The following GFRAL variants were observed in gnomAD, a reference collection of about 807,000 sequenced individuals.
The protein encoded by GFRAL is GDNF family receptor alpha-like.
A neutral mutation model predicts 45.4 loss-of-function variants in GFRAL; 36 were observed. That is an observed-to-expected ratio of 0.79 (90% CI 0.61 to 1.05). GFRAL has a LOEUF of 1.05. Among genes scored for constraint, GFRAL ranks in the 50% least tolerant of loss-of-function variants. The pLI, the probability that GFRAL is intolerant of heterozygous loss-of-function variation, is 0.00. For synonymous variants in GFRAL, 166 were observed against 154.1 expected (o/e 1.08, Z -0.57); for missense variants, 507 against 467.5 (o/e 1.08, Z -0.78).
intron 3 of GFRAL, among the ~76,000 whole-genome samples, chr6:55,346,214 T>C (rs143134812): frequency 6.6e-6 from 1 of 152,128 alleles, no homozygotes; most frequent in Non-Finnish European, 1.5e-5. Flanking sequence ...GGATTACAAA[T>C]CATGCTGCTA....
At chr6:55,365,729 T>A (rs1483640655) in intron 6 of GFRAL, among the ~76,000 whole-genome samples, 2 of 149,958 alleles carry the variant, frequency 1.3e-5, no homozygotes, top group South Asian at 2.1e-4. Context: ...TCTGTTTATA[T>A]GCTGGATTAC....
chr6:55,345,299 C>A (rs986743927), intron 3 of GFRAL, among the ~76,000 whole-genome samples: 2 of 152,188 alleles, frequency 1.3e-5, no homozygotes, highest in African/African-American at 2.4e-5. Context: ...AACTATACTA[C>A]AAGGCAGTAG....
At position 55,333,836 on chromosome 6, in the gene GFRAL, A is replaced by T; in HGVS notation, c.208A>T (p.Ile70Phe). Residue 70 changes from isoleucine to phenylalanine, a missense_variant, in exon 3 of 9, where the codon ATC becomes TTC. Transcript: ENST00000340465. The part of the protein sequence containing the change: ...MRNSSYCNLS[I>F]QYLVESNFQF... ...GAATTCATCATACTGTAACCTGAGT[A>T]TCCAGTACTTAGTGGAAAGCAATTT... 7.5e-6 allele frequency: 12 copies of T among 1,610,266 alleles called. 2 individuals carry two copies. The Middle Eastern group carries it at 2.0e-3, about 266-fold the overall frequency.
At chr6:55,352,353 T>C (rs1414007324) in intron 5 of GFRAL, among the ~76,000 whole-genome samples, 2 of 152,086 alleles carry the variant, frequency 1.3e-5, no homozygotes, top group African/African-American at 4.8e-5. Flanking sequence ...AAAGGGTTAA[T>C]GAAAAAGTCC....
intron 6 of GFRAL, among the ~76,000 whole-genome samples, chr6:55,367,329 G>T (rs1042898630): frequency 6.3e-5 from 9 of 142,152 alleles, no homozygotes; most frequent in African/African-American, 1.7e-4. Flanking sequence ...TTGAGCCTAT[G>T]GGTGTCTCTG....
intron 6 of GFRAL, among the ~76,000 whole-genome samples, chr6:55,376,626 G>A (rs993091991): frequency 2.6e-5 from 4 of 151,708 alleles, no homozygotes; most frequent in African/African-American, 7.3e-5. Flanking sequence ...TCTAGTTTAT[G>A]TGCATAGAGG....
chr6:55,346,293 A>C (rs1431002363), intron 3 of GFRAL, among the ~76,000 whole-genome samples: 1 of 152,180 alleles, frequency 6.6e-6, no homozygotes, highest in Non-Finnish European at 1.5e-5. Flanking sequence ...AACCAACCCA[A>C]ATGTCCATCA....
chr6:55,361,101 G>A (rs1502194), intron 6 of GFRAL, among the ~76,000 whole-genome samples: 108,854 of 151,900 alleles, frequency 0.72, 39,817 homozygotes, highest in African/African-American at 0.87. Flanking sequence ...TTAAAGTTCT[G>A]TATGAATGCT....
chr6:55,398,882 A>G (rs1050243721), intron 6 of GFRAL, among the ~76,000 whole-genome samples: 1 of 152,174 alleles, frequency 6.6e-6, no homozygotes, highest in Non-Finnish European at 1.5e-5. Context: ...TAAAGTAACC[A>G]TCTTTTATTT....
At chr6:55,333,150 T>A (rs1426751314) in intron 2 of GFRAL, among the ~76,000 whole-genome samples, 1 of 152,144 alleles carries the variant, frequency 6.6e-6, no homozygotes, top group Non-Finnish European at 1.5e-5. Flanking sequence ...ATAATTATTT[T>A]ATGTATGAAG....
chr6:55,359,172 A>ATCTG, intron 6 of GFRAL, 34 bp downstream of exon 6: 1 of 1,542,520 alleles, frequency 6.5e-7, no homozygotes, highest in Non-Finnish European at 8.9e-7. Flanking sequence ...CTGTCTATCT[A>ATCTG]TCTATCTATC....
intron 3 of GFRAL, among the ~76,000 whole-genome samples, chr6:55,348,992 G>C (rs924660158): frequency 2.0e-5 from 3 of 152,074 alleles, no homozygotes; most frequent in Admixed American, 2.0e-4. Flanking sequence ...GGATCTGTTT[G>C]TTGGGATTTT....
intron 6 of GFRAL, among the ~76,000 whole-genome samples, chr6:55,383,496 T>C (rs1048369238): frequency 6.6e-6 from 1 of 152,018 alleles, no homozygotes. Context: ...TACCATTGTG[T>C]TACACGTTGA....
intron 5 of GFRAL, among the ~76,000 whole-genome samples, chr6:55,352,084 T>C (rs957658863): frequency 6.6e-6 from 1 of 152,000 alleles, no homozygotes; most frequent in African/African-American, 2.4e-5. Context: ...CCACACACAT[T>C]TGTGTCTTTT....
At chr6:55,331,430 T>C (rs1044334266) in intron 1 of GFRAL, among the ~76,000 whole-genome samples, 2 of 152,128 alleles carry the variant, frequency 1.3e-5, no homozygotes, top group Non-Finnish European at 2.9e-5. Context: ...AGAGACTTTT[T>C]TAAGAGCAGT....
intron 3 of GFRAL, among the ~76,000 whole-genome samples, chr6:55,342,646 A>G (rs571384694): frequency 2.0e-5 from 3 of 152,058 alleles, no homozygotes; most frequent in Non-Finnish European, 4.4e-5. Context: ...AGCTAACATC[A>G]TAATGACAGG....
intron 5 of GFRAL, among the ~76,000 whole-genome samples, chr6:55,358,498 C>T (rs72972845): frequency 0.19 from 28,984 of 151,896 alleles, 3,174 homozygotes; most frequent in African/African-American, 0.3. Context: ...AAATACCTTA[C>T]TTGAAATCAC....
At chr6:55,378,552 T>C (rs1768564858) in intron 6 of GFRAL, among the ~76,000 whole-genome samples, 1 of 151,874 alleles carries the variant, frequency 6.6e-6, no homozygotes, top group Non-Finnish European at 1.5e-5. Context: ...AAAACTATGG[T>C]CATGGAGGGT....
At chr6:55,400,823 T>C (rs1768886741) in intron 8 of GFRAL, among the ~76,000 whole-genome samples, 1 of 152,198 alleles carries the variant, frequency 6.6e-6, no homozygotes, top group Non-Finnish European at 1.5e-5. Flanking sequence ...CACTGTTTAG[T>C]TATTGTTCCT....
Sources: allele counts gnomAD v4.1 joint callset (sites outside exome capture counted in the v4.1 genomes callset), GRCh38; gene constraint gnomAD v4.1.1; transcripts MANE v1.5; gene names NCBI Gene and HGNC (gene_info 2026-07-23, HGNC 2026-07-21).